RIMS2: variants seen among roughly 807,000 people sequenced by gnomAD.
The protein encoded by RIMS2 is regulating synaptic membrane exocytosis protein 2.
A neutral mutation model predicts 174.4 loss-of-function variants in RIMS2; 59 were observed. The ratio of observed to expected loss-of-function variants is 0.34; its 90% CI spans 0.27 to 0.42. The LOEUF (loss-of-function observed/expected upper bound fraction) is 0.42. Among genes scored for constraint, RIMS2 ranks in the 10% least tolerant of loss-of-function variants. The probability of loss-of-function intolerance (pLI) is 1.00; values close to 1 mark genes in which losing one functional copy is unlikely to be tolerated. For synonymous variants in RIMS2, 606 were observed against 572.5 expected (o/e 1.06, Z -0.84); for missense variants, 1,620 against 1,666.3 (o/e 0.97, Z 0.48).
intron 4 of RIMS2, among the ~76,000 whole-genome samples, chr8:103,902,563 C>G (rs1179295287): frequency 6.6e-6 from 1 of 150,876 alleles, no homozygotes; most frequent in Non-Finnish European, 1.5e-5. Context: ...TATATATGAC[C>G]TTTTTTAGTT....
At chr8:104,119,146 G>A (rs1052013023) in intron 19 of RIMS2, among the ~76,000 whole-genome samples, 2 of 148,254 alleles carry the variant, frequency 1.3e-5, no homozygotes, top group Non-Finnish European at 3.0e-5. Context: ...AAGAGATCAA[G>A]ACCATCCTAG....
At chr8:104,102,871 G>C (rs1260017911) in intron 19 of RIMS2, among the ~76,000 whole-genome samples, 1 of 152,136 alleles carries the variant, frequency 6.6e-6, no homozygotes, top group East Asian at 1.9e-4. Context: ...GATTCAAAAT[G>C]AGGTTTGGGT....
At chr8:103,782,125 T>TC (rs2098396805) in intron 3 of RIMS2, among the ~76,000 whole-genome samples, 1 of 151,906 alleles carries the variant, frequency 6.6e-6, no homozygotes, top group Admixed American at 6.6e-5. Context: ...TTTTTTTTTT[T>TC]TCTCTAACAC....
intron 3 of RIMS2, among the ~76,000 whole-genome samples, chr8:103,843,285 T>C (rs2098950846): frequency 6.6e-6 from 1 of 152,236 alleles, no homozygotes; most frequent in Non-Finnish European, 1.5e-5. Flanking sequence ...GATTTCTTTT[T>C]GGTTTTAAAG....
At chr8:103,788,953 GT>G (rs963063068) in intron 3 of RIMS2, among the ~76,000 whole-genome samples, 120 of 152,362 alleles carry the variant, frequency 7.9e-4, no homozygotes, top group African/African-American at 2.7e-3. Flanking sequence ...TCTGAGCCAG[GT>G]GCGGGATATA....
chr8:103,874,562 T>G (rs2099126591), intron 3 of RIMS2, among the ~76,000 whole-genome samples: 1 of 152,062 alleles, frequency 6.6e-6, no homozygotes, highest in South Asian at 2.1e-4. Context: ...AGAATAGATT[T>G]AAATTAAAGG....
intron 1 of RIMS2, among the ~76,000 whole-genome samples, chr8:103,634,890 C>G (rs960849065): frequency 6.6e-6 from 1 of 151,924 alleles, no homozygotes; most frequent in South Asian, 2.1e-4. Flanking sequence ...TTCTTCATCC[C>G]TTTATTCTGA....
chr8:103,857,051 A>G (rs2154495391), intron 3 of RIMS2, among the ~76,000 whole-genome samples: 1 of 152,176 alleles, frequency 6.6e-6, no homozygotes, highest in East Asian at 1.9e-4. Flanking sequence ...ATTACATTGA[A>G]CTTTGAGTTT....
chr8:103,766,382 A>G, exon 3 of RIMS2: 1 of 1,613,964 alleles, frequency 6.2e-7, no homozygotes, highest in Non-Finnish European at 8.5e-7. Flanking sequence ...AGAAGAAACC[A>G]AAACTACATG....
At chr8:103,760,798 T>C (rs1591829469) in intron 2 of RIMS2, among the ~76,000 whole-genome samples, 1 of 152,216 alleles carries the variant, frequency 6.6e-6, no homozygotes, top group East Asian at 1.9e-4. Flanking sequence ...TGTAGCAAAA[T>C]GTATATTTGT....
At chr8:103,710,019 C>G (rs2097284574) in intron 2 of RIMS2, among the ~76,000 whole-genome samples, 2 of 151,898 alleles carry the variant, frequency 1.3e-5, no homozygotes, top group South Asian at 2.1e-4. Context: ...ATAAAACTTG[C>G]CTATATTCTA....
Position 104,146,093 on chromosome 8 carries a change from G to A in RIMS2, c.3335-98823G>A, listed in dbSNP as rs184659577. ...TAATAACCCCTTTTGGGCCAGGCTC[G>A]GTGGCTCAAGCCTGTAATCCCAGGA... On this transcript the variant is annotated intron_variant, in intron 19 of 23. Coordinates refer to ENST00000504942, the Ensembl canonical transcript of RIMS2. Among the ~76,000 whole-genome samples, 701 of 151,040 alleles carry A rather than the reference G, an allele frequency of 4.6e-3. 27 individuals are homozygous for A. The highest frequency in any genetic ancestry group is 0.037 in the Admixed American group (560 of 15,114).
At chr8:103,648,177 A>G (rs1489522094) in intron 1 of RIMS2, among the ~76,000 whole-genome samples, 1 of 151,830 alleles carries the variant, frequency 6.6e-6, no homozygotes, top group Non-Finnish European at 1.5e-5. Context: ...CATTATTTAC[A>G]CAGGAGTCAT....
intron 19 of RIMS2, among the ~76,000 whole-genome samples, chr8:104,059,479 T>TG (rs2096936595): frequency 6.6e-6 from 1 of 150,760 alleles, no homozygotes. Context: ...GCTGAGACAA[T>TG]GGGGTTTTCT....
At chr8:103,829,371 C>T (rs1260847057) in intron 3 of RIMS2, among the ~76,000 whole-genome samples, 1 of 152,090 alleles carries the variant, frequency 6.6e-6, no homozygotes, top group Non-Finnish European at 1.5e-5. Context: ...TGGGTATATA[C>T]CCAAAGGAAT....
intron 19 of RIMS2, among the ~76,000 whole-genome samples, chr8:104,208,243 G>A (rs146889106): frequency 5.4e-4 from 82 of 152,204 alleles, no homozygotes; most frequent in Admixed American, 1.6e-3. Flanking sequence ...TTAAACTGAA[G>A]TATGAGAGGA....
chr8:103,982,016 CAG>C (rs2154549324), intron 16 of RIMS2, among the ~76,000 whole-genome samples: 2 of 151,612 alleles, frequency 1.3e-5, no homozygotes, highest in African/African-American at 4.8e-5. Flanking sequence ...GCCAGACTAA[CAG>C]AGGAAAAAAG....
chr8:103,503,784 A>G (rs1481608145), intron 1 of RIMS2, among the ~76,000 whole-genome samples: 1 of 152,012 alleles, frequency 6.6e-6, no homozygotes, highest in Non-Finnish European at 1.5e-5. Flanking sequence ...TAATATATAG[A>G]TGACAATACC....
At chr8:104,089,431 T>C (rs1160294597) in intron 19 of RIMS2, among the ~76,000 whole-genome samples, 1 of 151,860 alleles carries the variant, frequency 6.6e-6, no homozygotes. Flanking sequence ...ATTAAGTTGT[T>C]TAGTACTTAG....
Sources: allele counts gnomAD v4.1 joint callset (sites outside exome capture counted in the v4.1 genomes callset), GRCh38; gene constraint gnomAD v4.1.1; transcripts MANE v1.5; gene names NCBI Gene and HGNC (gene_info 2026-07-23, HGNC 2026-07-21).